PCCA: variants seen among roughly 807,000 people sequenced by gnomAD.
PCCA encodes propionyl-CoA carboxylase subunit alpha.
PCCA carries 74 observed loss-of-function variants against 101.3 expected under a neutral mutation model. That is an observed-to-expected ratio of 0.73 (90% CI 0.61 to 0.89). The LOEUF (loss-of-function observed/expected upper bound fraction) is 0.89, where lower values mean the gene tolerates loss of function less well. Ranked by LOEUF, PCCA falls within the 40% of genes least tolerant of loss-of-function variation. The pLI, the probability that PCCA is intolerant of heterozygous loss-of-function variation, is 0.00. For missense variants in PCCA, 891 were observed against 907.0 expected (o/e 0.98, Z 0.23); for synonymous variants, 294 against 313.6 (o/e 0.94, Z 0.66).
intron 19 of PCCA, among the ~76,000 whole-genome samples, chr13:100,420,483 G>T (rs1470781444): frequency 6.6e-6 from 1 of 152,122 alleles, no homozygotes; most frequent in Admixed American, 6.5e-5. Flanking sequence ...GGGAGGCTGA[G>T]GTGGGAGGAT....
At chr13:100,151,327 C>A (rs181568286) in intron 4 of PCCA, among the ~76,000 whole-genome samples, 81 of 152,244 alleles carry the variant, frequency 5.3e-4, no homozygotes, top group Middle Eastern at 3.4e-3. Context: ...CGCGGTGGCT[C>A]ACACCTGTAA....
intron 16 of PCCA, among the ~76,000 whole-genome samples, chr13:100,325,890 T>C (rs2068621514): frequency 6.6e-6 from 1 of 152,118 alleles, no homozygotes; most frequent in Non-Finnish European, 1.5e-5. Context: ...AGAACACATG[T>C]GTTTAACATC....
chr13:100,428,542 A>G (rs2079330248), intron 20 of PCCA, among the ~76,000 whole-genome samples: 1 of 152,008 alleles, frequency 6.6e-6, no homozygotes, highest in East Asian at 1.9e-4. Flanking sequence ...CCACTATGCT[A>G]TAGTACTTTG....
chr13:100,377,861 G>T (rs1203017425), intron 19 of PCCA, among the ~76,000 whole-genome samples: 2 of 151,590 alleles, frequency 1.3e-5, no homozygotes, highest in Non-Finnish European at 2.9e-5. Context: ...GATATATGAG[G>T]TTTTGTTCCT....
chr13:100,102,922 C>G lies in PCCA; in HGVS notation c.145C>G (p.Arg49Gly). The change falls in exon 2 of 24, where the codon CGT (arginine) becomes GGT (glycine). Residue 49 changes from arginine to glycine, a missense_variant. Physicochemically the swap from Arg to Gly is moderately radical, Grantham distance 125 (BLOSUM62 -2). Transcript: ENST00000376285. Reference protein sequence around the residue: ...YYSRQCLMVSRNLGSVGYDPN... With the variant: ...YYSRQCLMVSGNLGSVGYDPN... ...TTCAAGACAGTGCTTAATGGTGTCC[C>G]GTAATCTTGGTTCAGTGGGATATGA... 1 of 1,611,544 alleles carries G rather than the reference C, an allele frequency of 6.2e-7. No individual in the cohort carries two copies. Among genetic ancestry groups the G allele is most frequent in the Non-Finnish European group, 8.5e-7 (1 of 1,177,892 alleles).
At position 100,449,359 on chromosome 13, in the gene PCCA, C is replaced by CTG. The variant is rs564928022; in HGVS notation, c.1899+55_1899+56insGT. ...TAATTTACAGAGAAAAAATGTTCAACTAGTTGTAGCTCATGTGTTTGAACT... is the reference window on the plus strand; with the variant it reads ...TAATTTACAGAGAAAAAATGTTCAACTGTAGTTGTAGCTCATGTGTTTGAACT... On this transcript the variant is annotated intron_variant, in intron 21 of 23. Transcript: ENST00000376285. 5.8e-4 allele frequency: 591 copies of CTG among 1,025,542 alleles called. 2 individuals are homozygous for CTG. The African/African-American group carries it at 8.6e-3, about 15-fold the overall frequency. The allele number at this position is 1,025,542 out of a possible 1,614,324, so 63.5% of individuals were successfully genotyped here.
At chr13:100,354,672 G>T (rs568090472) in intron 18 of PCCA, among the ~76,000 whole-genome samples, 1 of 152,210 alleles carries the variant, frequency 6.6e-6, no homozygotes, top group African/African-American at 2.4e-5. Flanking sequence ...TATGCCTACT[G>T]ACCTTACAGA....
intron 16 of PCCA, among the ~76,000 whole-genome samples, chr13:100,310,758 TACAA>T (rs750328459): frequency 6.6e-6 from 1 of 152,202 alleles, no homozygotes; most frequent in Non-Finnish European, 1.5e-5. Flanking sequence ...GTGACTAAAA[TACAA>T]AGTAGGCTTG....
At chr13:100,283,000 G>A (rs936365302) in intron 12 of PCCA, among the ~76,000 whole-genome samples, 60 of 151,946 alleles carry the variant, frequency 3.9e-4, no homozygotes, top group Non-Finnish European at 3.8e-4. Flanking sequence ...TAGGGGGAGG[G>A]GAATTTGGCC....
At chr13:100,121,380 G>A (rs1014920545) in intron 4 of PCCA, among the ~76,000 whole-genome samples, 5 of 150,998 alleles carry the variant, frequency 3.3e-5, no homozygotes, top group Non-Finnish European at 5.9e-5. Flanking sequence ...GGCTGGTCTC[G>A]AACTCCTGAC....
At chr13:100,169,533 A>T (rs994343235) in intron 6 of PCCA, among the ~76,000 whole-genome samples, 3 of 149,568 alleles carry the variant, frequency 2.0e-5, no homozygotes, top group Admixed American at 1.3e-4. Context: ...TTTTTATTTT[A>T]TTATTATTTT....
In PCCA at chr13:100,420,973, G is replaced by A. The variant is rs1162619507; in HGVS notation, c.1747-4660G>A. Among the ~76,000 whole-genome samples the A allele has an allele frequency of 2.0e-5, 3 of 152,102 alleles. No homozygotes were observed. In the South Asian group the frequency reaches 6.2e-4, roughly 32 times the overall value. On this transcript the variant is annotated intron_variant, in intron 19 of 23. Transcript: ENST00000376285. ...TGTAATCCCAGTACTTTGGGAGGCC[G>A]TGGCGGGCCAATCATCTGAGGTCAG...
intron 22 of PCCA, among the ~76,000 whole-genome samples, chr13:100,521,702 C>CCTTT (rs1223001315): frequency 8.5e-5 from 13 of 152,148 alleles, no homozygotes; most frequent in African/African-American, 3.1e-4. Flanking sequence ...GTTAACTGAA[C>CCTTT]CTTTCTTCAG....
intron 6 of PCCA, among the ~76,000 whole-genome samples, chr13:100,166,879 T>A (rs1477188425): frequency 2.0e-5 from 3 of 152,144 alleles, no homozygotes; most frequent in African/African-American, 7.2e-5. Context: ...AATGTATGAG[T>A]GTACTAGTTG....
chr13:100,364,419 A>T (rs1402780663), intron 18 of PCCA, among the ~76,000 whole-genome samples: 1 of 152,240 alleles, frequency 6.6e-6, no homozygotes, highest in Admixed American at 6.5e-5. Context: ...AATGTTTCAA[A>T]GTAAGTATTA....
chr13:100,221,640 C>T (rs1029073860), intron 7 of PCCA, among the ~76,000 whole-genome samples: 23 of 151,956 alleles, frequency 1.5e-4, no homozygotes, highest in Non-Finnish European at 2.2e-4. Context: ...TCTGCACTAA[C>T]GACTATTTCT....
chr13:100,298,676 T>C (rs9557409), intron 12 of PCCA, among the ~76,000 whole-genome samples: 4 of 628 alleles, frequency 6.4e-3, no homozygotes, highest in Non-Finnish European at 6.7e-3. Context: ...CCCTCCCTCC[T>C]TCCTTCCTTC....
At chr13:100,238,414 C>G (rs998560435) in intron 8 of PCCA, among the ~76,000 whole-genome samples, 10 of 151,990 alleles carry the variant, frequency 6.6e-5, no homozygotes, top group Admixed American at 1.3e-4. Context: ...TAATCTAAGT[C>G]TTTTTTCTTT....
intron 21 of PCCA, among the ~76,000 whole-genome samples, chr13:100,502,101 A>G (rs1479785732): frequency 6.6e-6 from 1 of 152,122 alleles, no homozygotes; most frequent in Non-Finnish European, 1.5e-5. Context: ...TAGTGCTCAC[A>G]CTACAGTTAG....
Sources: allele counts gnomAD v4.1 joint callset (sites outside exome capture counted in the v4.1 genomes callset), GRCh38; gene constraint gnomAD v4.1.1; transcripts MANE v1.5; gene names NCBI Gene and HGNC (gene_info 2026-07-23, HGNC 2026-07-21).